PAX6: variants seen among roughly 807,000 people sequenced by gnomAD.
PAX6 encodes paired box 6, also known as paired box protein Pax-6.
Under a neutral mutation model 60.7 loss-of-function variants are expected in PAX6, and 7 were observed. That is an observed-to-expected ratio of 0.12 (90% CI 0.07 to 0.22). The LOEUF (loss-of-function observed/expected upper bound fraction) is 0.22, where lower values mean the gene tolerates loss of function less well. Among genes scored for constraint, PAX6 ranks in the 10% least tolerant of loss-of-function variants. The probability of loss-of-function intolerance (pLI) is 1.00; values close to 1 mark genes in which losing one functional copy is unlikely to be tolerated. For synonymous variants in PAX6, 208 were observed against 201.2 expected (o/e 1.03, Z -0.29); for missense variants, 355 against 555.2 (o/e 0.64, Z 3.62).
chr11:31,810,689 A>G (rs1041253292), intron 2 of PAX6, 139 bp downstream of exon 2: 12 of 397,196 alleles, frequency 3.0e-5, no homozygotes, highest in Non-Finnish European at 1.3e-5. Context: ...TCCTGCGTGG[A>G]AACTTCTCCG....
In PAX6 at chr11:31,790,119, A is replaced by AAAAC. The variant is rs1554982404; in HGVS notation, c.1226-101_1226-100insGTTT. On this transcript the variant is annotated intron_variant, in intron 13 of 13. Transcript: ENST00000640368. ...TTACAAAAAAAAAAAAAAAAAAAAA[A>AAAAC]ACTAATACTTTCTAACATTTTTTAC... is the stretch of plus-strand genomic sequence containing the variant. 6.3e-5 allele frequency: 49 copies of AAAAC among 771,958 alleles called. No homozygotes were observed. The African/African-American group carries it at 8.9e-4, about 14-fold the overall frequency. 47.8% of individuals were successfully genotyped at this position (771,958 alleles called of 1,614,324 possible). A position where few individuals can be genotyped will look rare whatever the true frequency, so the allele number is the denominator to read the frequency against.
intron 8 of PAX6, among the ~76,000 whole-genome samples, chr11:31,797,766 A>G (rs1952086194): frequency 1.3e-5 from 2 of 152,148 alleles, no homozygotes; most frequent in African/African-American, 2.4e-5. Flanking sequence ...TAGAAGTTGG[A>G]TCTCGACTCC....
chr11:31,806,373 G>A, intron 4 of PAX6, 29 bp downstream of exon 4: 1 of 1,603,940 alleles, frequency 6.2e-7, no homozygotes, highest in Non-Finnish European at 8.5e-7. Context: ...CCCCGAGCCC[G>A]AAGTCCCAGA....
At chr11:31,813,046 C>G (rs571068381), upstream of PAX6, 2 of 152,194 alleles carry the variant, frequency 1.3e-5, no homozygotes, top group East Asian at 3.9e-4. Flanking sequence ...GCCTCCCCGG[C>G]CCTAGCCAGA....
At chr11:31,801,809 A>G in intron 6 of PAX6, 33 bp from the exon 7 acceptor site, 1 of 1,614,178 alleles carries the variant, frequency 6.2e-7, no homozygotes, top group Non-Finnish European at 8.5e-7. Flanking sequence ...AAACCACATT[A>G]TTAATAATTT....
At chr11:31,803,008 C>A in intron 4 of PAX6, 174 bp from the exon 5 acceptor site, 1 of 720,568 alleles carries the variant, frequency 1.4e-6, no homozygotes, top group South Asian at 1.6e-5. Flanking sequence ...GCATCCTCAT[C>A]CCCCTGCCAA....
chr11:31,814,798 C>G (rs533848288), upstream of PAX6: 2 of 152,490 alleles, frequency 1.3e-5, no homozygotes, highest in Non-Finnish European at 2.9e-5. Flanking sequence ...GCAGCCTCGC[C>G]GAGCCCAGAG....
intron 2 of PAX6, chr11:31,809,244 A>G (rs542763148): frequency 7.9e-5 from 12 of 152,348 alleles, no homozygotes; most frequent in African/African-American, 2.9e-4. Context: ...TGCAAAGGTC[A>G]CTGGCTATAA....
intron 12 of PAX6, chr11:31,791,092 T>C: frequency 3.2e-6 from 2 of 620,212 alleles, no homozygotes; most frequent in Non-Finnish European, 5.9e-6. Context: ...GCACTTTAGG[T>C]TCTGACAACT....
upstream of PAX6, chr11:31,812,181 T>G (rs992659964): frequency 2.1e-5 from 3 of 143,498 alleles, no homozygotes; most frequent in Non-Finnish European, 4.5e-5. Context: ...GTTGACTAAG[T>G]GCGGCTGCTT....
rs73477665 is a variant in PAX6, at chr11:31,793,619, A to T, written c.958+33T>A. 5.0e-3 allele frequency: 8,093 copies of T among 1,614,020 alleles called. 343 individuals are homozygous for T. The African/African-American group carries it at 0.096, about 19-fold the overall frequency. ...GAGCCCGGAGCAAACAGGTTTAAAG[A>T]CATTGATTCGTAGTATTAGTATTTC... On this transcript the variant is annotated intron_variant, in intron 11 of 13. Transcript: ENST00000640368.
chr11:31,790,741 C>T lies in PAX6; in HGVS notation c.1194G>A (p.Gln398=), dbSNP rs766842413. The change falls in exon 13 of 14, where the codon CAG becomes CAA. Residue 398 remains glutamine (Q), a synonymous_variant. Transcript: ENST00000640368. ...AAGTGGTGCCCGAGGTGCCCATTGGCTGACTGTTCATGTGTGTCTGCATAT... is the reference window on the plus strand; with the variant it reads ...AAGTGGTGCCCGAGGTGCCCATTGGTTGACTGTTCATGTGTGTCTGCATAT... ...PPHMQTHMNS[Q]PMGTSGTTST... 14 of 1,613,978 alleles carry T rather than the reference C, an allele frequency of 8.7e-6. No individual in the cohort carries two copies. In the Admixed American group the frequency reaches 2.3e-4, roughly 27 times the overall value.
At chr11:31,801,187 C>T (rs1953711945) in intron 7 of PAX6, 2 of 1,208,432 alleles carry the variant, frequency 1.7e-6, no homozygotes, top group Non-Finnish European at 2.2e-6. Flanking sequence ...AGCTTTCTTT[C>T]ATTATATTGT....
chr11:31,803,105 C>T, intron 4 of PAX6: 1 of 407,814 alleles, frequency 2.5e-6, no homozygotes, highest in Non-Finnish European at 4.2e-6. Context: ...TCGGGCAGCC[C>T]AGTCCAAGCA....
chr11:31,806,755 T>C (rs1404516337), intron 3 of PAX6, 94 bp downstream of exon 3: 5 of 351,388 alleles, frequency 1.4e-5, no homozygotes, highest in Admixed American at 4.3e-5. Flanking sequence ...TGATTTATTT[T>C]CTTCTATCTG....
chr11:31,816,517 C>G (rs1957382109), intron 1 of PAX6: 5 of 702,486 alleles, frequency 7.1e-6, no homozygotes, highest in South Asian at 4.4e-5. Context: ...GGAGGAGGCC[C>G]GAGGATGGCT....
At chr11:31,790,326 C>T (rs546255637) in intron 13 of PAX6, 7 of 684,664 alleles carry the variant, frequency 1.0e-5, no homozygotes, top group East Asian at 4.5e-5. Flanking sequence ...TCTGGAAAAC[C>T]AATGTGTCAC....
At chr11:31,794,276 C>A in intron 9 of PAX6, 162 bp from the exon 10 acceptor site, 1 of 704,904 alleles carries the variant, frequency 1.4e-6, no homozygotes, top group East Asian at 2.7e-5. Context: ...ACTTTCCCAC[C>A]AGAACCAAGT....
At chr11:31,816,310 G>T, upstream of PAX6, 1 of 483,958 alleles carries the variant, frequency 2.1e-6, no homozygotes. Flanking sequence ...TTCTATGAGA[G>T]GGTCTGAGGA....
Sources: gnomAD v4.1 joint callset for allele counts (sites outside exome capture counted in the v4.1 genomes callset) on GRCh38, gnomAD v4.1.1 for gene constraint, MANE v1.5 for transcripts, NCBI Gene and HGNC (gene_info 2026-07-23, HGNC 2026-07-21) for gene names.